The following RASAL2 variants were observed in gnomAD, a reference collection of about 807,000 sequenced individuals.
RASAL2 encodes ras GTPase-activating protein nGAP.
RASAL2 carries 58 observed loss-of-function variants against 128.9 expected under a neutral mutation model. The ratio of observed to expected loss-of-function variants is 0.45; its 90% CI spans 0.36 to 0.56. RASAL2 has a LOEUF of 0.56. Among genes scored for constraint, RASAL2 ranks in the 20% least tolerant of loss-of-function variants. The pLI, the probability that RASAL2 is intolerant of heterozygous loss-of-function variation, is 0.00. For synonymous variants in RASAL2, 561 were observed against 580.8 expected (o/e 0.97, Z 0.49); for missense variants, 1,360 against 1,601.6 (o/e 0.85, Z 2.57).
At chr1:178,173,924 C>A (rs1221379460) in intron 1 of RASAL2, among the ~76,000 whole-genome samples, 2 of 145,122 alleles carry the variant, frequency 1.4e-5, no homozygotes, top group Admixed American at 6.9e-5. Flanking sequence ...TAAAAAAGTT[C>A]ATATTGTAAT....
intron 2 of RASAL2, among the ~76,000 whole-genome samples, chr1:178,288,627 C>T (rs1667139086): frequency 7.0e-6 from 1 of 142,986 alleles, no homozygotes; most frequent in African/African-American, 2.6e-5. Flanking sequence ...CATCAGCATG[C>T]TATTCTTTCT....
intron 1 of RASAL2, among the ~76,000 whole-genome samples, chr1:178,163,126 C>G (rs1375297807): frequency 6.6e-6 from 1 of 151,476 alleles, no homozygotes; most frequent in Admixed American, 6.6e-5. Flanking sequence ...GCACACCATG[C>G]CTGGCTAATT....
At position 178,229,952 on chromosome 1, in the gene RASAL2, G is replaced by A. The variant is rs552827814; in HGVS notation, c.203-53612G>A. ...AAAAGCTTCCTGGTTCTCCTTTCTGGTTAATAATAATGCCATCTACCACTG... is the reference window on the plus strand; with the variant it reads ...AAAAGCTTCCTGGTTCTCCTTTCTGATTAATAATAATGCCATCTACCACTG... On this transcript the variant is annotated intron_variant, in intron 1 of 17. Coordinates refer to ENST00000367649, the MANE Select transcript of RASAL2 (RefSeq NM_170692.4). 4.6e-5 allele frequency among the ~76,000 whole-genome samples: 7 copies of A among 152,106 alleles called. No homozygotes were observed. In the South Asian group the frequency reaches 1.5e-3, roughly 32 times the overall value.
At chr1:178,108,324 A>G (rs1659175052) in intron 1 of RASAL2, among the ~76,000 whole-genome samples, 1 of 152,026 alleles carries the variant, frequency 6.6e-6, no homozygotes, top group African/African-American at 2.4e-5. Flanking sequence ...TTAGATTGTC[A>G]CTGATGGTGT....
At chr1:178,431,341 A>G (rs1488731112) in intron 5 of RASAL2, among the ~76,000 whole-genome samples, 1 of 152,128 alleles carries the variant, frequency 6.6e-6, no homozygotes, top group Non-Finnish European at 1.5e-5. Context: ...AACATGTACA[A>G]ATGTCCTCAA....
At chr1:178,328,669 T>C (rs1283343173) in intron 3 of RASAL2, among the ~76,000 whole-genome samples, 1 of 152,336 alleles carries the variant, frequency 6.6e-6, no homozygotes, top group South Asian at 2.1e-4. Flanking sequence ...ATATATATTA[T>C]CTCATTTATT....
At chr1:178,283,449 G>T in intron 1 of RASAL2, 115 bp from the exon 2 acceptor site, 2 of 1,267,614 alleles carry the variant, frequency 1.6e-6, no homozygotes, top group East Asian at 2.4e-5. Context: ...TTACCATTGA[G>T]ATTCGTGTTT....
chr1:178,222,969 C>T (rs1663662322), intron 1 of RASAL2, among the ~76,000 whole-genome samples: 1 of 152,078 alleles, frequency 6.6e-6, no homozygotes, highest in Non-Finnish European at 1.5e-5. Context: ...GAGAAAATGA[C>T]TCCCTGTAGT....
rs537316890 is a variant in RASAL2, at chr1:178,410,141, A to C, written c.565-10370A>C. On this transcript the variant is annotated intron_variant, in intron 4 of 17. Coordinates refer to ENST00000367649, the MANE Select transcript of RASAL2 (RefSeq NM_170692.4). ...GGACAGGGAGAAAATGAGGTGGTCC[A>C]GAAAGTGAAGGTTTCTGTTAGGTTG... Among the ~76,000 whole-genome samples the C allele has an allele frequency of 3.9e-5, 6 of 152,318 alleles. No individual in the cohort carries two copies. The East Asian group carries it at 1.2e-3, about 29-fold the overall frequency.
intron 1 of RASAL2, among the ~76,000 whole-genome samples, chr1:178,149,863 C>G (rs577828407): frequency 6.6e-6 from 1 of 152,250 alleles, no homozygotes; most frequent in East Asian, 1.9e-4. Flanking sequence ...ACTGATCCTC[C>G]TTCATTAACT....
intron 5 of RASAL2, among the ~76,000 whole-genome samples, chr1:178,435,286 G>T (rs1676182454): frequency 6.6e-6 from 1 of 152,104 alleles, no homozygotes. Flanking sequence ...TTGGAGCTGT[G>T]GGGGAAATGT....
At chr1:178,417,832 A>G (rs1674869437) in intron 4 of RASAL2, among the ~76,000 whole-genome samples, 1 of 151,724 alleles carries the variant, frequency 6.6e-6, no homozygotes, top group Admixed American at 6.6e-5. Flanking sequence ...TAGACAGTCT[A>G]CTAATACTGT....
rs1421376024 is a variant in RASAL2, at chr1:178,442,666, T to C, written c.928-9T>C. ...AGCTCTGAAATTCAGCTTTGTTGCCTCTTTATAGGACAATTGCAGGCGAGC... is the reference window on the plus strand; with the variant it reads ...AGCTCTGAAATTCAGCTTTGTTGCCCCTTTATAGGACAATTGCAGGCGAGC... On this transcript the variant is annotated splice_polypyrimidine_tract_variant and intron_variant, in intron 7 of 17. Coordinates refer to ENST00000367649, the MANE Select transcript of RASAL2 (RefSeq NM_170692.4). The C allele has an allele frequency of 2.6e-6, 4 of 1,551,776 alleles. No homozygotes were observed. The highest frequency in any genetic ancestry group is 3.4e-6 in the Non-Finnish European group (4 of 1,161,584).
rs75666885 is a variant in RASAL2, at chr1:178,118,026, C to T, written c.202+23332C>T. 5.6e-3 allele frequency among the ~76,000 whole-genome samples: 845 copies of T among 151,838 alleles called. 10 individuals are homozygous for T. The highest frequency in any genetic ancestry group is 0.019 in the African/African-American group (790 of 41,426). Reference sequence around the variant, plus strand: ...CTAAATACAAAAAATTAGCTGGGCACGGTGGCTGGCCTCTGTAATCCCAGC... The same window carrying T: ...CTAAATACAAAAAATTAGCTGGGCATGGTGGCTGGCCTCTGTAATCCCAGC... On this transcript the variant is annotated intron_variant, in intron 1 of 17. Coordinates refer to ENST00000367649, the MANE Select transcript of RASAL2 (RefSeq NM_170692.4).
chr1:178,464,561 G>C (rs1647442334), intron 15 of RASAL2, 149 bp downstream of exon 15: 1 of 701,432 alleles, frequency 1.4e-6, no homozygotes, highest in Admixed American at 3.5e-5. Flanking sequence ...TGTAAAATAG[G>C]TCAGTGGTGT....
chr1:178,261,671 C>T (rs1311275958), intron 1 of RASAL2, among the ~76,000 whole-genome samples: 1 of 151,962 alleles, frequency 6.6e-6, no homozygotes, highest in Non-Finnish European at 1.5e-5. Context: ...GCGTGTAATC[C>T]CAGCATTTTG....
chr1:178,127,335 GA>G (rs1487619686), intron 1 of RASAL2, among the ~76,000 whole-genome samples: 1 of 151,800 alleles, frequency 6.6e-6, no homozygotes, highest in Non-Finnish European at 1.5e-5. Context: ...TAGGCAGCAG[GA>G]AAAAAAATAT....
chr1:178,315,652 G>C (rs1371317552), intron 3 of RASAL2, among the ~76,000 whole-genome samples: 1 of 143,362 alleles, frequency 7.0e-6, no homozygotes, highest in Non-Finnish European at 1.5e-5. Context: ...TTTTTTTCTT[G>C]TAAATTTGTT....
chr1:178,262,518 A>G (rs919696592), intron 1 of RASAL2, among the ~76,000 whole-genome samples: 1 of 152,194 alleles, frequency 6.6e-6, no homozygotes, highest in Non-Finnish European at 1.5e-5. Context: ...ACGAGTTTGG[A>G]TTCAGCTTTT....
Sources: allele counts gnomAD v4.1 joint callset (sites outside exome capture counted in the v4.1 genomes callset), GRCh38; gene constraint gnomAD v4.1.1; transcripts MANE v1.5; gene names NCBI Gene and HGNC (gene_info 2026-07-23, HGNC 2026-07-21).